Variants in PAH observed in about 807,000 individuals in gnomAD.
The protein encoded by PAH is phenylalanine hydroxylase.
Under a neutral mutation model 62.0 loss-of-function variants are expected in PAH, and 64 were observed. That is an observed-to-expected ratio of 1.03 (90% CI 0.84 to 1.27). The LOEUF is 1.27. Ranked by LOEUF, PAH falls within the 50% of genes most tolerant of loss-of-function variation. PAH has a pLI of 0.00. For synonymous variants in PAH, 195 were observed against 196.2 expected (o/e 0.99, Z 0.05); for missense variants, 579 against 542.8 (o/e 1.07, Z -0.66).
chr12:102,883,297 C>G (rs1876898346), intron 3 of PAH, among the ~76,000 whole-genome samples: 1 of 152,162 alleles, frequency 6.6e-6, no homozygotes, highest in South Asian at 2.1e-4. Context: ...TTCCTTTCTC[C>G]TCCCACCAGA....
intron 1 of PAH, among the ~76,000 whole-genome samples, chr12:102,915,522 A>G (rs1592990188): frequency 6.6e-6 from 1 of 152,124 alleles, no homozygotes; most frequent in African/African-American, 2.4e-5. Flanking sequence ...TAAAAGATTT[A>G]CTCTGGTCCA....
chr12:102,900,979 TA>T (rs1489392223), intron 2 of PAH, among the ~76,000 whole-genome samples: 2 of 152,208 alleles, frequency 1.3e-5, no homozygotes, highest in Non-Finnish European at 1.5e-5. Flanking sequence ...GATGGCAGCA[TA>T]AAACCTTGCT....
chr12:102,876,228 G>C (rs1408193968), intron 4 of PAH, among the ~76,000 whole-genome samples: 1 of 152,014 alleles, frequency 6.6e-6, no homozygotes, highest in African/African-American at 2.4e-5. Context: ...ACTATAATTG[G>C]TTTTACAATT....
chr12:102,949,112 T>A (rs1879629985), intron 1 of PAH, among the ~76,000 whole-genome samples: 1 of 151,974 alleles, frequency 6.6e-6, no homozygotes, highest in South Asian at 2.1e-4. Flanking sequence ...TGCCCAGGAG[T>A]AGAGGAGAAT....
At chr12:102,936,871 G>A (rs962671637) in intron 1 of PAH, among the ~76,000 whole-genome samples, 1 of 152,030 alleles carries the variant, frequency 6.6e-6, no homozygotes, top group African/African-American at 2.4e-5. Context: ...GATATGGTTT[G>A]GCTGAGTCCC....
chr12:102,931,535 A>G (rs1878875523), intron 1 of PAH, among the ~76,000 whole-genome samples: 1 of 152,198 alleles, frequency 6.6e-6, no homozygotes, highest in Non-Finnish European at 1.5e-5. Flanking sequence ...TCACATAGAC[A>G]TAGTTTTAAT....
intron 9 of PAH, among the ~76,000 whole-genome samples, chr12:102,844,695 A>G (rs925031519): frequency 6.6e-6 from 1 of 152,248 alleles, no homozygotes; most frequent in East Asian, 1.9e-4. Context: ...TACGTATTCT[A>G]TCTCTCTTGG....
rs75468443 is a variant in PAH, at chr12:102,847,993, A to G, written c.913-1042T>C. Among the ~76,000 whole-genome samples the G allele has an allele frequency of 9.8e-3, 1,494 of 152,350 alleles. 15 individuals carry two copies. Among genetic ancestry groups the G allele is most frequent in the African/African-American group, 0.033 (1,375 of 41,582 alleles). On this transcript the variant is annotated intron_variant, in intron 8 of 12. Coordinates refer to ENST00000553106, the MANE Select transcript of PAH (RefSeq NM_000277.3). ...GGCAGGTGATATCAAAGAGGGATCC[A>G]GAGCCAGATCATGTAGAATATTTTT...
At chr12:102,932,989 A>G (rs183595525) in intron 1 of PAH, among the ~76,000 whole-genome samples, 5 of 152,274 alleles carry the variant, frequency 3.3e-5, no homozygotes, top group Admixed American at 2.6e-4. Context: ...AAACAATCCA[A>G]TTATGCTCTT....
At chr12:102,917,528 C>A (rs1048492038), upstream of PAH, 15 of 308,914 alleles carry the variant, frequency 4.9e-5, no homozygotes, top group Admixed American at 6.5e-4. Context: ...GAAGCGAGTT[C>A]TCTGCAATTG....
chr12:102,945,012 C>A (rs781370830), intron 1 of PAH: 1 of 152,262 alleles, frequency 6.6e-6, no homozygotes, highest in Non-Finnish European at 1.5e-5. Context: ...GTGGCTCTTG[C>A]AAGCTTACAG....
At position 102,843,750 on chromosome 12, in the gene PAH, G is replaced by T; in HGVS notation, c.1095C>A (p.Leu365=). ...TGGCTGTCTTCTCCAGCTCCAGGGG[G>T]AGAAGCTTTGGCTTCTCTGATAAGC... The part of the protein sequence containing the change: ...QYCLSEKPKL[L]PLELEKTAIQ... Residue 365 remains leucine (L), a synonymous_variant, in exon 11 of 13, where the codon CTC becomes CTA. Coordinates refer to ENST00000553106, the MANE Select transcript of PAH (RefSeq NM_000277.3). 2 of 1,613,832 alleles carry T rather than the reference G, an allele frequency of 1.2e-6. No homozygotes were observed. The highest frequency in any genetic ancestry group is 1.3e-5 in the African/African-American group (1 of 74,990).
At chr12:102,875,562 C>T (rs139323021) in intron 4 of PAH, among the ~76,000 whole-genome samples, 30 of 152,238 alleles carry the variant, frequency 2.0e-4, no homozygotes, top group African/African-American at 5.5e-4. Flanking sequence ...ATCTGTTGAA[C>T]GGGTACACAG....
chr12:102,844,298 A>G, intron 10 of PAH, 38 bp downstream of exon 10: 1 of 1,386,038 alleles, frequency 7.2e-7, no homozygotes, highest in Non-Finnish European at 1.0e-6. Flanking sequence ...TGTACCCACC[A>G]CTTTTAAATC....
At chr12:102,919,828 C>T (rs1014250250), upstream of PAH, among the ~76,000 whole-genome samples, 2 of 152,146 alleles carry the variant, frequency 1.3e-5, no homozygotes, top group Non-Finnish European at 2.9e-5. Flanking sequence ...TAAAGTACCA[C>T]ATTTTTTTAA....
chr12:102,941,079 CA>C (rs1348947989), intron 1 of PAH, among the ~76,000 whole-genome samples: 2 of 152,070 alleles, frequency 1.3e-5, no homozygotes, highest in Non-Finnish European at 2.9e-5. Flanking sequence ...AACTAAACTT[CA>C]AAAGTAAAGG....
chr12:102,924,273 G>T (rs372126684), intron 1 of PAH, among the ~76,000 whole-genome samples: 2 of 152,100 alleles, frequency 1.3e-5, no homozygotes, highest in East Asian at 1.9e-4. Flanking sequence ...TAGCATGCAT[G>T]TCCTGTATAG....
At chr12:102,940,311 G>A (rs901683353) in intron 1 of PAH, among the ~76,000 whole-genome samples, 1 of 152,210 alleles carries the variant, frequency 6.6e-6, no homozygotes, top group Non-Finnish European at 1.5e-5. Context: ...TTCCAGTGAT[G>A]CTTCTTAAGG....
Position 102,851,734 on chromosome 12 carries a change from C to G in PAH, c.865G>C (p.Gly289Arg), listed in dbSNP as rs199475693. ...CGATCTGAAAACAAGGGCACATGTC[C>G]CAACAGCTCATGGCAGATGTCACTG... is the stretch of plus-strand genomic sequence containing the variant. ...PEPDICHELL[G>R]HVPLFSDRSF... Residue 289 changes from glycine to arginine, a missense_variant, in exon 8 of 13, where the codon GGA becomes CGA. By Grantham distance (125) the Gly-to-Arg change is moderately radical. Coordinates refer to ENST00000553106, the MANE Select transcript of PAH (RefSeq NM_000277.3). 3 of 1,614,034 alleles carry G rather than the reference C, an allele frequency of 1.9e-6. No individual in the cohort carries two copies. In the African/African-American group the frequency reaches 4.0e-5, roughly 22 times the overall value.
Sources: gnomAD v4.1 joint callset for allele counts (sites outside exome capture counted in the v4.1 genomes callset) on GRCh38, gnomAD v4.1.1 for gene constraint, MANE v1.5 for transcripts, NCBI Gene and HGNC (gene_info 2026-07-23, HGNC 2026-07-21) for gene names.